MRS2: variants seen among roughly 807,000 people sequenced by gnomAD.
MRS2 encodes the protein magnesium transporter MRS2 homolog, mitochondrial.
A neutral mutation model predicts 52.6 loss-of-function variants in MRS2; 40 were observed. The ratio of observed to expected loss-of-function variants is 0.76; its 90% CI spans 0.59 to 0.99. The LOEUF (loss-of-function observed/expected upper bound fraction) is 0.99, where lower values mean the gene tolerates loss of function less well. MRS2 is among the 50% of genes least tolerant of loss of function. The pLI, the probability that MRS2 is intolerant of heterozygous loss-of-function variation, is 0.00. For missense variants in MRS2, 472 were observed against 532.7 expected, an observed-to-expected ratio of 0.89 and a Z score of 1.12; for synonymous variants, 193 against 195.9, an observed-to-expected ratio of 0.98 and a Z score of 0.13.
At chr6:24,409,424 T>G (rs780512682) in intron 3 of MRS2, 37 bp from the exon 4 acceptor site, 5 of 1,275,920 alleles carry the variant, frequency 3.9e-6, no homozygotes, top group South Asian at 1.3e-5. Context: ...CCATTTAATG[T>G]ATTTGGTTTA....
At chr6:24,415,203 A>T in intron 6 of MRS2, 40 bp downstream of exon 6, 1 of 1,485,654 alleles carries the variant, frequency 6.7e-7, no homozygotes, top group African/African-American at 1.4e-5. Context: ...GTTGGAGACA[A>T]ATATCTTAAA....
intron 10 of MRS2, 73 bp from the exon 11 acceptor site, chr6:24,423,511 A>G: frequency 1.3e-6 from 1 of 780,012 alleles, no homozygotes; most frequent in Non-Finnish European, 2.1e-6. Context: ...CTGAGTAGTT[A>G]CATAATACAT....
At chr6:24,410,718 T>C (rs1469486143) in intron 4 of MRS2, 3 of 1,522,840 alleles carry the variant, frequency 2.0e-6, no homozygotes, top group African/African-American at 2.7e-5. Context: ...CCCATGTGAT[T>C]TTCTTCAGAA....
intron 7 of MRS2, 64 bp downstream of exon 7, chr6:24,416,577 C>A (rs2127293712): frequency 1.2e-6 from 1 of 868,148 alleles, no homozygotes; most frequent in Non-Finnish European, 1.9e-6. Context: ...TTTTCCACTT[C>A]AAGGTGATTT....
rs115369249 is a variant in MRS2 at position 24,420,107 on chromosome 6, C to T, written c.1107+1529C>T. On this transcript the variant is annotated intron_variant, in intron 9 of 10. Coordinates refer to ENST00000378386, the MANE Select transcript of MRS2 (RefSeq NM_020662.4). ...TTGATTAGCCTTAGGATAAAAATCC[C>T]GTCCTGCCGCACCGACTTGTCCATC... Among the ~76,000 whole-genome samples, 763 of 152,300 alleles carry T rather than the reference C, an allele frequency of 5.0e-3. 5 individuals are homozygous for T. Among genetic ancestry groups the T allele is most frequent in the Non-Finnish European group, 8.9e-3 (607 of 68,018 alleles).
rs200213106 is a variant in MRS2, at chr6:24,403,012, G to C, written c.-35G>C. 1,051 of 1,544,410 alleles carry C rather than the reference G, an allele frequency of 6.8e-4. 2 individuals are homozygous for C. The highest frequency in any genetic ancestry group is 3.5e-3 in the Middle Eastern group (20 of 5,768). On this transcript the variant is annotated 5_prime_UTR_variant, in exon 1 of 11. Transcript: ENST00000378386. ...AGCCAGCGTCCGGCATGAAGGTCTG[G>C]GGTCTGGCTGCTGCCTGCTTCTTGC...
Position 24,403,241 on chromosome 6 carries a change from T to A in MRS2, c.190+5T>A, listed in dbSNP as rs763517164. 6.3e-7 allele frequency: 1 copy of A among 1,589,368 alleles called. No individual in the cohort carries two copies. Among genetic ancestry groups the A allele is most frequent in the Non-Finnish European group, 8.5e-7 (1 of 1,175,640 alleles). ...CCGACCGGCTCCGCGTGGCAGGTAC[T>A]GCCCTTCCCCGGCAACAGCCTTGGG... On this transcript the variant is annotated splice_donor_5th_base_variant and intron_variant, in intron 1 of 10. Coordinates refer to ENST00000378386, the MANE Select transcript of MRS2 (RefSeq NM_020662.4).
Position 24,425,870 on chromosome 6 carries a change from C to T in MRS2, c.*2176C>T, listed in dbSNP as rs1561819754. On this transcript the variant is annotated 3_prime_UTR_variant, in exon 11 of 11. Transcript: ENST00000378386. ...AGCTATTTATTTTGGTGAGTTATTCCAAGAGTTGTATACAGCTTTATTTTT... is the reference window on the plus strand; with the variant it reads ...AGCTATTTATTTTGGTGAGTTATTCTAAGAGTTGTATACAGCTTTATTTTT... The T allele has an allele frequency of 2.0e-5, 3 of 152,116 alleles. No individual in the cohort carries two copies. The highest frequency in any genetic ancestry group is 1.5e-5 in the Non-Finnish European group (1 of 68,014). 9.4% of individuals were successfully genotyped at this position (152,116 alleles called of 1,614,324 possible).
Position 24,402,994 on chromosome 6 carries a change from G to A in MRS2, c.-53G>A, listed in dbSNP as rs1204436518. ...CAGAGCTGCGGCCTGAGCAGCCAGC[G>A]TCCGGCATGAAGGTCTGGGGTCTGG... On this transcript the variant is annotated 5_prime_UTR_variant, in exon 1 of 11. Transcript: ENST00000378386. 2.7e-6 allele frequency: 4 copies of A among 1,480,410 alleles called. No homozygotes were observed. Among genetic ancestry groups the A allele is most frequent in the Middle Eastern group, 3.6e-4 (2 of 5,562 alleles). 91.7% of individuals were successfully genotyped at this position (1,480,410 alleles called of 1,614,324 possible). A position where few individuals can be genotyped will look rare whatever the true frequency, so the allele number is the denominator to read the frequency against.
chr6:24,412,202 G>GA lies in MRS2; in HGVS notation c.415-20_415-19insA. 1.6e-6 allele frequency: 2 copies of GA among 1,226,222 alleles called. No homozygotes were observed. Among genetic ancestry groups the GA allele is most frequent in the Non-Finnish European group, 2.2e-6 (2 of 891,566 alleles). 76.0% of individuals were successfully genotyped at this position (1,226,222 alleles called of 1,614,324 possible). On this transcript the variant is annotated intron_variant, in intron 4 of 10. Transcript: ENST00000378386. ...ATACACTCACATATTTATATGTTTT[G>GA]GTTTTTTTTTTTTTAACAGTATTTG... is the stretch of plus-strand genomic sequence containing the variant.
At chr6:24,421,354 A>G (rs142310124) in intron 9 of MRS2, among the ~76,000 whole-genome samples, 2 of 152,332 alleles carry the variant, frequency 1.3e-5, no homozygotes, top group African/African-American at 4.8e-5. Context: ...AAAAGATTCA[A>G]ATTAATGTCT....
chr6:24,409,513 G>C lies in MRS2; in HGVS notation c.354G>C (p.Leu118Phe). Residue 118 changes from leucine (L) to phenylalanine (F), a missense_variant, in exon 4 of 11, where the codon TTG becomes TTC. By Grantham distance (22) the Leu-to-Phe change is conservative (BLOSUM62 0). Coordinates refer to ENST00000378386, the MANE Select transcript of MRS2 (RefSeq NM_020662.4). ...YQELGLQARD[L>F]RFQHVMSITV... ...AGTTAGGTCTTCAAGCCAGAGATTT[G>C]AGATTTCAGCATGTAATGAGTATCA... The C allele has an allele frequency of 6.2e-7, 1 of 1,611,976 alleles. No individual in the cohort carries two copies. The highest frequency in any genetic ancestry group is 1.1e-5 in the South Asian group (1 of 90,686).
At chr6:24,419,645 T>G (rs1412433176) in intron 9 of MRS2, among the ~76,000 whole-genome samples, 1 of 151,712 alleles carries the variant, frequency 6.6e-6, no homozygotes, top group African/African-American at 2.4e-5. Flanking sequence ...CCCAAAGACT[T>G]GCACTTTCTA....
At chr6:24,414,061 G>C (rs1380786478) in intron 5 of MRS2, among the ~76,000 whole-genome samples, 1 of 152,128 alleles carries the variant, frequency 6.6e-6, no homozygotes, top group African/African-American at 2.4e-5. Context: ...AGGTATTACT[G>C]AAAGCTTGTG....
At chr6:24,417,046 G>T (rs1221948333) in intron 7 of MRS2, among the ~76,000 whole-genome samples, 2 of 152,196 alleles carry the variant, frequency 1.3e-5, no homozygotes, top group African/African-American at 4.8e-5. Context: ...AGCAGTATCA[G>T]AAATTAATAC....
chr6:24,411,570 C>T (rs1403328417), intron 4 of MRS2, among the ~76,000 whole-genome samples: 3 of 152,132 alleles, frequency 2.0e-5, no homozygotes, highest in South Asian at 2.1e-4. Flanking sequence ...GACGGAGTCT[C>T]GCTCTGTCGC....
chr6:24,411,054 G>A (rs1761632078), intron 4 of MRS2, among the ~76,000 whole-genome samples: 1 of 151,996 alleles, frequency 6.6e-6, no homozygotes, highest in Non-Finnish European at 1.5e-5. Context: ...GCCAGGCATG[G>A]TGGCGGGTGC....
intron 3 of MRS2, 86 bp downstream of exon 3, chr6:24,408,530 AAT>A: frequency 9.9e-7 from 1 of 1,011,886 alleles, no homozygotes; most frequent in Non-Finnish European, 1.5e-6. Context: ...TTTTGAGTAA[AAT>A]ATTCTTTGCA....
intron 6 of MRS2, 107 bp downstream of exon 6, chr6:24,415,270 T>C (rs1761809267): frequency 8.2e-7 from 1 of 1,220,330 alleles, no homozygotes; most frequent in African/African-American, 1.5e-5. Context: ...GTAGCCTAGG[T>C]GGGAAGTTGA....
Sources: allele counts gnomAD v4.1 joint callset (sites outside exome capture counted in the v4.1 genomes callset), GRCh38; gene constraint gnomAD v4.1.1; transcripts MANE v1.5; gene names NCBI Gene and HGNC (gene_info 2026-07-23, HGNC 2026-07-21).